CNTNAP2: variants seen among roughly 807,000 people sequenced by gnomAD.
CNTNAP2 encodes the protein contactin associated protein 2, also known as contactin-associated protein-like 2.
In CNTNAP2, 98 loss-of-function variants were observed where a neutral mutation model predicts 155.2. The ratio of observed to expected loss-of-function variants is 0.63; its 90% CI spans 0.54 to 0.75. The LOEUF (loss-of-function observed/expected upper bound fraction) is 0.75, where lower values mean the gene tolerates loss of function less well. Among genes scored for constraint, CNTNAP2 ranks in the 30% least tolerant of loss-of-function variants. The probability of loss-of-function intolerance (pLI) is 0.00; values close to 1 mark genes in which losing one functional copy is unlikely to be tolerated. For synonymous variants in CNTNAP2, 651 were observed against 631.2 expected (o/e 1.03, Z -0.47); for missense variants, 1,727 against 1,688.1 (o/e 1.02, Z -0.40).
chr7:146,464,187 G>GTTTTTTTTTT (rs369508603), intron 1 of CNTNAP2, among the ~76,000 whole-genome samples: 2 of 91,540 alleles, frequency 2.2e-5, no homozygotes, highest in African/African-American at 3.7e-5. Context: ...CTTTGAAACT[G>GTTTTTTTTTT]TTTTTTTTTT....
intron 1 of CNTNAP2, among the ~76,000 whole-genome samples, chr7:146,467,180 C>A (rs79083541): frequency 0.021 from 3,250 of 152,140 alleles, 76 homozygotes; most frequent in African/African-American, 0.053. Context: ...TAATTTTAAT[C>A]AGTTTTCAAG....
chr7:147,201,642 G>C (rs1044678539), intron 8 of CNTNAP2, among the ~76,000 whole-genome samples: 1 of 152,132 alleles, frequency 6.6e-6, no homozygotes, highest in Non-Finnish European at 1.5e-5. Context: ...CACCAGCACT[G>C]TCACTGGGAA....
chr7:146,593,976 C>A (rs187693405), intron 1 of CNTNAP2, among the ~76,000 whole-genome samples: 1 of 152,168 alleles, frequency 6.6e-6, no homozygotes, highest in South Asian at 2.1e-4. Context: ...TTGGGTTCCC[C>A]ACCCTCCACT....
At chr7:147,923,449 C>A (rs1264797496) in intron 14 of CNTNAP2, among the ~76,000 whole-genome samples, 1 of 152,094 alleles carries the variant, frequency 6.6e-6, no homozygotes, top group Admixed American at 6.5e-5. Context: ...TTGCCTGCAA[C>A]ACCAGAAGCT....
intron 13 of CNTNAP2, among the ~76,000 whole-genome samples, chr7:147,674,234 T>C (rs1048489907): frequency 1.3e-5 from 2 of 152,182 alleles, no homozygotes; most frequent in African/African-American, 4.8e-5. Context: ...ATGTAGGTGC[T>C]ATTTAAGGGG....
intron 1 of CNTNAP2, among the ~76,000 whole-genome samples, chr7:146,668,019 T>C (rs1800228715): frequency 6.6e-6 from 1 of 152,080 alleles, no homozygotes; most frequent in Non-Finnish European, 1.5e-5. Flanking sequence ...TGAGTGCAAG[T>C]GGTGAGTGTT....
chr7:146,648,149 C>T (rs1799846979), intron 1 of CNTNAP2, among the ~76,000 whole-genome samples: 2 of 152,154 alleles, frequency 1.3e-5, no homozygotes, highest in African/African-American at 4.8e-5. Flanking sequence ...TTCATGGGTA[C>T]ACAGACCACT....
intron 18 of CNTNAP2, among the ~76,000 whole-genome samples, chr7:148,173,713 G>T (rs927114433): frequency 6.6e-6 from 1 of 152,198 alleles, no homozygotes; most frequent in African/African-American, 2.4e-5. Flanking sequence ...TTTTCCTGCG[G>T]CACACAATTG....
chr7:148,118,310 A>G (rs1367969503), intron 16 of CNTNAP2, 22 bp downstream of exon 16: 1 of 1,613,484 alleles, frequency 6.2e-7, no homozygotes, highest in Non-Finnish European at 8.5e-7. Flanking sequence ...TTGCTTGTCA[A>G]CTCATGGGGA....
intron 13 of CNTNAP2, among the ~76,000 whole-genome samples, chr7:147,773,533 T>C (rs1797508256): frequency 6.6e-6 from 1 of 152,176 alleles, no homozygotes; most frequent in Non-Finnish European, 1.5e-5. Flanking sequence ...ATAAATGTGC[T>C]AGAACTAGTC....
chr7:147,453,852 C>T (rs570234686), intron 10 of CNTNAP2, among the ~76,000 whole-genome samples: 1 of 152,134 alleles, frequency 6.6e-6, no homozygotes, highest in African/African-American at 2.4e-5. Flanking sequence ...GAAATAAGGC[C>T]AAATTGTGGC....
chr7:148,330,225 ATGGAATGGATG>A (rs1158646957), intron 21 of CNTNAP2, among the ~76,000 whole-genome samples: 4 of 150,130 alleles, frequency 2.7e-5, no homozygotes, highest in Non-Finnish European at 4.4e-5. Context: ...GAATGGATGG[ATGGAATGGATG>A]GATGGAATGG....
chr7:146,220,795 G>C (rs1270600071), intron 1 of CNTNAP2, among the ~76,000 whole-genome samples: 1 of 152,166 alleles, frequency 6.6e-6, no homozygotes, highest in Admixed American at 6.5e-5. Context: ...CTGGGATTTG[G>C]AATTATTGGA....
intron 9 of CNTNAP2, among the ~76,000 whole-genome samples, chr7:147,314,568 GTAAAGA>G (rs1372807318): frequency 4.0e-5 from 6 of 150,892 alleles, no homozygotes; most frequent in African/African-American, 1.5e-4. Context: ...TAAAATTTGA[GTAAAGA>G]TATTCTCTGC....
intron 13 of CNTNAP2, among the ~76,000 whole-genome samples, chr7:147,733,915 G>A (rs1350711464): frequency 1.3e-5 from 2 of 152,150 alleles, no homozygotes; most frequent in Admixed American, 1.3e-4. Flanking sequence ...GAGATTTTGG[G>A]CTGAGACGAT....
intron 1 of CNTNAP2, among the ~76,000 whole-genome samples, chr7:146,524,726 G>A (rs1281861691): frequency 6.6e-6 from 1 of 151,968 alleles, no homozygotes; most frequent in African/African-American, 2.4e-5. Flanking sequence ...GACTCTTTAG[G>A]AGATATAAGA....
chr7:147,437,847 T>C (rs558851472), intron 10 of CNTNAP2, among the ~76,000 whole-genome samples: 1 of 152,282 alleles, frequency 6.6e-6, no homozygotes, highest in African/African-American at 2.4e-5. Flanking sequence ...TTCCATTTTA[T>C]GGTGTCCTAT....
chr7:146,730,747 T>A (rs1179257762), intron 1 of CNTNAP2, among the ~76,000 whole-genome samples: 1 of 152,218 alleles, frequency 6.6e-6, no homozygotes, highest in South Asian at 2.1e-4. Flanking sequence ...TTCATTGACT[T>A]AGTGAGTTTT....
At chr7:147,543,100 G>A (rs528302644) in intron 11 of CNTNAP2, among the ~76,000 whole-genome samples, 120 of 152,114 alleles carry the variant, frequency 7.9e-4, no homozygotes, top group African/African-American at 2.9e-3. Context: ...CCCCGAACAG[G>A]GATTTACCCA....
Sources: allele counts gnomAD v4.1 joint callset (sites outside exome capture counted in the v4.1 genomes callset), GRCh38; gene constraint gnomAD v4.1.1; transcripts MANE v1.5; gene names NCBI Gene and HGNC (gene_info 2026-07-23, HGNC 2026-07-21).